The following RPL22 variants were observed in gnomAD, a reference collection of about 807,000 sequenced individuals.
The protein encoded by RPL22 is large ribosomal subunit protein eL22.
In RPL22, 4 loss-of-function variants were observed where a neutral mutation model predicts 16.2. The ratio of observed to expected loss-of-function variants is 0.25; its 90% CI spans 0.12 to 0.57. The LOEUF (loss-of-function observed/expected upper bound fraction) is 0.57. Among genes scored for constraint, RPL22 ranks in the 20% least tolerant of loss-of-function variants. The pLI is 0.92. For synonymous variants in RPL22, 43 were observed against 54.8 expected, an observed-to-expected ratio of 0.78 and a Z score of 0.95; for missense variants, 83 against 156.1, an observed-to-expected ratio of 0.53 and a Z score of 2.49.
chr1:6,195,872 G>A (rs963240994), intron 2 of RPL22, among the ~76,000 whole-genome samples: 2 of 151,904 alleles, frequency 1.3e-5, no homozygotes, highest in African/African-American at 4.8e-5. Flanking sequence ...AGACCAGCCT[G>A]ACCAACATGG....
At chr1:6,190,905 C>T (rs1018036597) in intron 3 of RPL22, among the ~76,000 whole-genome samples, 6 of 152,252 alleles carry the variant, frequency 3.9e-5, no homozygotes, top group Non-Finnish European at 8.8e-5. Context: ...GTAGCACTTA[C>T]AAGGGAAACA....
chr1:6,187,078 C>A (rs1379512684), intron 3 of RPL22, among the ~76,000 whole-genome samples: 1 of 152,144 alleles, frequency 6.6e-6, no homozygotes, highest in Non-Finnish European at 1.5e-5. Flanking sequence ...GAGGCCAAGG[C>A]AGGCAGATCA....
chr1:6,196,347 A>C (rs1212679753), intron 2 of RPL22, among the ~76,000 whole-genome samples: 1 of 152,214 alleles, frequency 6.6e-6, no homozygotes, highest in Non-Finnish European at 1.5e-5. Context: ...GAGGCCACAG[A>C]AAAGCCAGAA....
intron 3 of RPL22, among the ~76,000 whole-genome samples, chr1:6,189,665 A>T (rs1217875398): frequency 6.6e-6 from 1 of 151,458 alleles, no homozygotes; most frequent in African/African-American, 2.4e-5. Context: ...CATGCCTGTA[A>T]TCCCAGCACT....
intron 1 of RPL22, 200 bp downstream of exon 1, chr1:6,199,362 T>G (rs1349443391): frequency 7.6e-7 from 1 of 1,321,986 alleles, no homozygotes; most frequent in African/African-American, 1.5e-5. Flanking sequence ...CGGATCTCCC[T>G]CACGAGCCTC....
rs1667578856 is a variant in RPL22, at chr1:6,186,107, T to G, written c.*565A>C. 4.3e-6 allele frequency: 1 copy of G among 232,212 alleles called. No homozygotes were observed. Among genetic ancestry groups the G allele is most frequent in the Non-Finnish European group, 8.5e-6 (1 of 117,568 alleles). 14.4% of individuals were successfully genotyped at this position (232,212 alleles called of 1,614,324 possible). A position where few individuals can be genotyped will look rare whatever the true frequency, so the allele number is the denominator to read the frequency against. On this transcript the variant is annotated 3_prime_UTR_variant, in exon 4 of 4. Transcript: ENST00000234875. ...ACAATCGATTCCCCAAACCCCTTTA[T>G]GGCAGCAACACTGAAGGAGCACAGT...
At chr1:6,199,156 G>C (rs1388036593) in intron 1 of RPL22, 1 of 205,398 alleles carries the variant, frequency 4.9e-6, no homozygotes, top group Non-Finnish European at 9.7e-6. Context: ...CCGCGGATTC[G>C]TCCCCGAGTC....
At position 6,199,568 on chromosome 1, in the gene RPL22, A is replaced by G. The variant is rs1341825050; in HGVS notation, c.6T>C (p.Ala2=). M[A]PVKKLVVKGG... ...CACGCGGAGCCATACTAACCACAGG[A>G]GCCATGGCGGCAGCGGAGTTAGAAA... The change falls in exon 1 of 4, where the codon GCT becomes GCC. Residue 2 remains alanine (A), a synonymous_variant. Coordinates refer to ENST00000234875, the MANE Select transcript of RPL22 (RefSeq NM_000983.4). The G allele has an allele frequency of 1.9e-6, 3 of 1,568,302 alleles. No homozygotes were observed. Among genetic ancestry groups the G allele is most frequent in the Non-Finnish European group, 2.6e-6 (3 of 1,156,756 alleles).
intron 3 of RPL22, among the ~76,000 whole-genome samples, chr1:6,190,098 CG>C (rs1667631178): frequency 6.6e-6 from 1 of 152,140 alleles, no homozygotes; most frequent in South Asian, 2.1e-4. Flanking sequence ...TTTGTGAAAA[CG>C]CAAGTGACGC....
At chr1:6,196,311 T>C (rs534914642) in intron 2 of RPL22, among the ~76,000 whole-genome samples, 1 of 151,998 alleles carries the variant, frequency 6.6e-6, no homozygotes, top group African/African-American at 2.4e-5. Context: ...AATACCAAAC[T>C]GGAAGACACC....
At position 6,197,179 on chromosome 1, in the gene RPL22, A is replaced by G. The variant is rs533346451; in HGVS notation, c.117+473T>C. ...CGAGTAGCTGGGATTACAGGTGCACACCACCACACCCAGCTAATTTTTTTG... is the reference window on the plus strand; with the variant it reads ...CGAGTAGCTGGGATTACAGGTGCACGCCACCACACCCAGCTAATTTTTTTG... On this transcript the variant is annotated intron_variant, in intron 2 of 3. Transcript: ENST00000234875. Among the ~76,000 whole-genome samples the G allele has an allele frequency of 8.3e-4, 126 of 152,190 alleles. 1 individual carries two copies. The South Asian group carries it at 0.025, about 30-fold the overall frequency.
intron 3 of RPL22, among the ~76,000 whole-genome samples, chr1:6,189,677 TG>T (rs1667625603): frequency 6.7e-6 from 1 of 150,058 alleles, no homozygotes; most frequent in Admixed American, 6.6e-5. Context: ...CCCAGCACTT[TG>T]GGAGGCCGAG....
At chr1:6,190,599 G>C (rs1667637517) in intron 3 of RPL22, among the ~76,000 whole-genome samples, 2 of 152,138 alleles carry the variant, frequency 1.3e-5, no homozygotes, top group Non-Finnish European at 2.9e-5. Flanking sequence ...AGCTGGTCTA[G>C]AACTCCTGAC....
chr1:6,196,748 C>G (rs989935205), intron 2 of RPL22, among the ~76,000 whole-genome samples: 1 of 150,490 alleles, frequency 6.6e-6, no homozygotes, highest in Non-Finnish European at 1.5e-5. Flanking sequence ...GGGCCAAATA[C>G]AGGGGCAAAA....
In RPL22 at chr1:6,198,186, CAT is replaced by C. The variant is rs1425120768; in HGVS notation, c.13-432_13-431del. On this transcript the variant is annotated intron_variant, in intron 1 of 3. Coordinates refer to ENST00000234875, the MANE Select transcript of RPL22 (RefSeq NM_000983.4). ...AAATGCCTTGCATACCCACAATTTT[CAT>C]ATGAAATCAATCCTTGTCCTACATG... is the stretch of plus-strand genomic sequence containing the variant. 4 of 193,230 alleles carry C rather than the reference CAT, an allele frequency of 2.1e-5. No individual in the cohort carries two copies. The East Asian group carries it at 5.4e-4, about 26-fold the overall frequency. 12.0% of individuals were successfully genotyped at this position (193,230 alleles called of 1,614,324 possible). A position where few individuals can be genotyped will look rare whatever the true frequency, so the allele number is the denominator to read the frequency against.
chr1:6,198,518 T>C (rs374819591), intron 1 of RPL22: 1 of 152,254 alleles, frequency 6.6e-6, no homozygotes, highest in Non-Finnish European at 1.5e-5. Context: ...ACACCATTAA[T>C]GCACTTGTGC....
chr1:6,199,474 C>T, intron 1 of RPL22, 88 bp downstream of exon 1: 3 of 1,522,098 alleles, frequency 2.0e-6, no homozygotes, highest in Admixed American at 2.1e-5. Context: ...TGCAGGGCGC[C>T]GTCCCCAGCG....
chr1:6,191,182 A>T (rs1412204206), intron 3 of RPL22, among the ~76,000 whole-genome samples: 1 of 150,896 alleles, frequency 6.6e-6, no homozygotes, highest in Non-Finnish European at 1.5e-5. Flanking sequence ...ACATGGTGAA[A>T]CCCTGTCTCT....
intron 2 of RPL22, among the ~76,000 whole-genome samples, chr1:6,195,955 C>T (rs920171836): frequency 1.3e-5 from 2 of 151,444 alleles, no homozygotes; most frequent in Non-Finnish European, 2.9e-5. Context: ...CCCAGCTACT[C>T]GGGAGGCTGA....
Sources: gnomAD v4.1 joint callset for allele counts (sites outside exome capture counted in the v4.1 genomes callset) on GRCh38, gnomAD v4.1.1 for gene constraint, MANE v1.5 for transcripts, NCBI Gene and HGNC (gene_info 2026-07-23, HGNC 2026-07-21) for gene names.